The following SASH1 variants were observed in gnomAD, a reference collection of about 807,000 sequenced individuals.
The protein encoded by SASH1 is SAM and SH3 domain containing 1, also known as SAM and SH3 domain-containing protein 1.
Under a neutral mutation model 125.2 loss-of-function variants are expected in SASH1, and 44 were observed. The observed-to-expected ratio is 0.35, with a 90% CI of 0.28 to 0.45. SASH1 has a LOEUF of 0.45. Ranked by LOEUF, SASH1 falls within the 20% of genes least tolerant of loss-of-function variation. The probability of loss-of-function intolerance (pLI) is 1.00; values close to 1 mark genes in which losing one functional copy is unlikely to be tolerated. For missense variants in SASH1, 1,426 were observed against 1,614.5 expected, an observed-to-expected ratio of 0.88 and a Z score of 2.00; for synonymous variants, 639 against 649.1, an observed-to-expected ratio of 0.98 and a Z score of 0.24.
At chr6:148,324,126 A>AAAAAAAC (rs1780732667) in intron 1 of SASH1, among the ~76,000 whole-genome samples, 1 of 149,788 alleles carries the variant, frequency 6.7e-6, no homozygotes, top group Non-Finnish European at 1.5e-5. Flanking sequence ...CTCAAAAAAA[A>AAAAAAAC]AAAAAAAAAA....
At chr6:148,433,520 C>T (rs1300104603) in intron 2 of SASH1, among the ~76,000 whole-genome samples, 1 of 151,556 alleles carries the variant, frequency 6.6e-6, no homozygotes, top group African/African-American at 2.4e-5. Context: ...ATTCCCATGC[C>T]TCAGTGTCCT....
At chr6:148,333,181 C>T (rs561907102) in intron 1 of SASH1, among the ~76,000 whole-genome samples, 1 of 151,984 alleles carries the variant, frequency 6.6e-6, no homozygotes, top group Non-Finnish European at 1.5e-5. Flanking sequence ...AGATTGCTTG[C>T]TTTAGCCCAA....
intron 1 of SASH1, among the ~76,000 whole-genome samples, chr6:148,348,330 T>A (rs1781585600): frequency 6.6e-6 from 1 of 152,208 alleles, no homozygotes; most frequent in African/African-American, 2.4e-5. Flanking sequence ...CCGAATCTTT[T>A]CCTGCTAAAG....
rs140464405 is a variant in SASH1 at position 148,304,876 on chromosome 6, A to C, written n.74+32499A>C. The stretch of plus-strand genomic sequence containing the variant: ...AATCCCGTCTCTATTAAAAATACAA[A>C]AATTAGCTGGACGTGGTGATGGCGG... On this transcript the variant is annotated intron_variant and non_coding_transcript_variant, in intron 1 of 3. Coordinates refer to the SASH1 transcript ENST00000367469. 1.5e-3 allele frequency among the ~76,000 whole-genome samples: 230 copies of C among 152,200 alleles called. 2 individuals are homozygous for C. Among genetic ancestry groups the C allele is most frequent in the Admixed American group, 4.6e-3 (71 of 15,278 alleles).
chr6:148,420,286 G>A (rs1435525091), intron 2 of SASH1, among the ~76,000 whole-genome samples: 1 of 152,048 alleles, frequency 6.6e-6, no homozygotes, highest in Non-Finnish European at 1.5e-5. Context: ...CCGATTTTAA[G>A]CAGAAACATT....
intron 8 of SASH1, among the ~76,000 whole-genome samples, chr6:148,497,690 A>C (rs931768300): frequency 6.6e-6 from 1 of 152,252 alleles, no homozygotes; most frequent in Admixed American, 6.5e-5. Flanking sequence ...ATCAGCAGAT[A>C]GGCTAGAATT....
chr6:148,387,703 G>A (rs956313669), intron 1 of SASH1, among the ~76,000 whole-genome samples: 1 of 128,244 alleles, frequency 7.8e-6, no homozygotes, highest in South Asian at 2.7e-4. Flanking sequence ...GGCATCCTTA[G>A]TAAATTATTT....
chr6:148,455,038 AT>A (rs2115055547), intron 4 of SASH1, among the ~76,000 whole-genome samples: 1 of 152,272 alleles, frequency 6.6e-6, no homozygotes, highest in South Asian at 2.1e-4. Flanking sequence ...CACTTGCAGT[AT>A]TGCTTATTTT....
At chr6:148,223,169 G>C in the SASH1 span, among the ~76,000 whole-genome samples, 1 of 152,188 alleles carries the variant, frequency 6.6e-6, no homozygotes, top group African/African-American at 2.4e-5. Context: ...GACAGAGAGA[G>C]AGCCGAGCTG....
chr6:148,370,677 G>C (rs1046370258), intron 1 of SASH1, among the ~76,000 whole-genome samples: 3 of 151,964 alleles, frequency 2.0e-5, no homozygotes, highest in Non-Finnish European at 4.4e-5. Context: ...CAAAAAACTA[G>C]CTGGGCGTGG....
chr6:148,252,475 G>GT, the SASH1 span, among the ~76,000 whole-genome samples: 10 of 148,022 alleles, frequency 6.8e-5, no homozygotes, highest in African/African-American at 1.8e-4. Flanking sequence ...TTGTTTTGTG[G>GT]TTTTTTTTCT....
At chr6:148,410,099 CTTTTTTT>C (rs869081496) in intron 2 of SASH1, among the ~76,000 whole-genome samples, 1 of 55,710 alleles carries the variant, frequency 1.8e-5, no homozygotes, top group African/African-American at 7.3e-5. Context: ...CAGAGCAGTC[CTTTTTTT>C]TTTTTTTTTT....
intron 2 of SASH1, among the ~76,000 whole-genome samples, chr6:148,392,706 G>A (rs1037850575): frequency 2.0e-5 from 3 of 152,200 alleles, no homozygotes; most frequent in Non-Finnish European, 4.4e-5. Flanking sequence ...TAGCTGCAGG[G>A]ATGGGAGTTA....
At position 148,544,454 on chromosome 6, in the gene SASH1, G is replaced by A. The variant is rs755726868; in HGVS notation, c.2984G>A (p.Arg995His). 13 of 1,614,002 alleles carry A rather than the reference G, an allele frequency of 8.1e-6. No homozygotes were observed. The Admixed American group carries it at 8.3e-5, about 10-fold the overall frequency. ...PPVPAKKSRE[R>H]LANGLHPVPM... The stretch of plus-strand genomic sequence containing the variant: ...GTTCCTGCCAAAAAGAGCAGAGAAC[G>A]CCTTGCTAACGGACTCCACCCTGTT... The change falls in exon 18 of 20, where the codon CGC becomes CAC. Residue 995 changes from arginine (R) to histidine (H), a missense_variant. Physicochemically the swap from Arg to His is conservative, Grantham distance 29 (BLOSUM62 0). Around this residue, in one of 3 missense-constraint regions of SASH1, gnomAD observed 634 missense variants for 694.4 expected, o/e 0.91. Coordinates refer to ENST00000367467, the MANE Select transcript of SASH1 (RefSeq NM_015278.5). The surrounding 1 kb of genome is among the most constrained non-coding windows in gnomAD (Gnocchi z 6.4).
At chr6:148,378,200 C>T (rs1782986668) in intron 1 of SASH1, among the ~76,000 whole-genome samples, 1 of 151,352 alleles carries the variant, frequency 6.6e-6, no homozygotes, top group South Asian at 2.1e-4. Flanking sequence ...TACAGGCATG[C>T]GCCACCATGC....
At chr6:148,363,600 C>A (rs9403951) in intron 1 of SASH1, among the ~76,000 whole-genome samples, 51,866 of 151,826 alleles carry the variant, frequency 0.34, 9,043 homozygotes, top group Admixed American at 0.39. Context: ...CGGGGTTTCA[C>A]CATCTTGGCC....
At position 148,548,696 on chromosome 6, in the gene SASH1, A is replaced by T; in HGVS notation, c.*138A>T. The stretch of plus-strand genomic sequence containing the variant: ...CTGGCGTGTGGCCAAACAGCGTGAA[A>T]CCTTGGCACAGGACTGAGGATCCTC... On this transcript the variant is annotated 3_prime_UTR_variant, in exon 20 of 20. Coordinates refer to ENST00000367467, the MANE Select transcript of SASH1 (RefSeq NM_015278.5). 1 of 1,009,612 alleles carries T rather than the reference A, an allele frequency of 9.9e-7. No homozygotes were observed. Among genetic ancestry groups the T allele is most frequent in the Admixed American group, 2.8e-5 (1 of 36,330 alleles). The allele number at this position is 1,009,612 out of a possible 1,614,324, so 62.5% of individuals were successfully genotyped here. A position where few individuals can be genotyped will look rare whatever the true frequency, so the allele number is the denominator to read the frequency against.
intron 1 of SASH1, among the ~76,000 whole-genome samples, chr6:148,357,351 A>C (rs1781984498): frequency 6.6e-6 from 1 of 152,142 alleles, no homozygotes; most frequent in African/African-American, 2.4e-5. Flanking sequence ...TAGACTTCCA[A>C]ACTCATCTGT....
chr6:148,238,063 A>G, the SASH1 span, among the ~76,000 whole-genome samples: 1 of 152,094 alleles, frequency 6.6e-6, no homozygotes, highest in Admixed American at 6.6e-5. Flanking sequence ...GCTCTTCCCC[A>G]TATGACCTTA....
Sources: gnomAD v4.1 joint callset for allele counts (sites outside exome capture counted in the v4.1 genomes callset) on GRCh38, gnomAD v4.1.1 for gene constraint, gnomAD v4.1.1 regional missense constraint, Gnocchi (gnomAD v3.1) non-coding constraint, MANE v1.5 for transcripts, NCBI Gene and HGNC (gene_info 2026-07-23, HGNC 2026-07-21) for gene names.